Variants in VPS13C observed in about 807,000 individuals in gnomAD.
VPS13C encodes intermembrane lipid transfer protein VPS13C.
A neutral mutation model predicts 456.8 loss-of-function variants in VPS13C; 358 were observed. That is an observed-to-expected ratio of 0.78 (90% CI 0.72 to 0.86). The LOEUF is 0.86. VPS13C is among the 40% of genes least tolerant of loss of function. VPS13C has a pLI of 0.00. For synonymous variants in VPS13C, 1,578 were observed against 1,486.7 expected (o/e 1.06, Z -1.41); for missense variants, 4,818 against 4,385.4 (o/e 1.10, Z -2.79).
At chr15:61,879,106 T>C (rs1187377854) in intron 73 of VPS13C, among the ~76,000 whole-genome samples, 4 of 152,008 alleles carry the variant, frequency 2.6e-5, no homozygotes, top group Non-Finnish European at 4.4e-5. Context: ...ATACAGATAA[T>C]AACAATAACA....
intron 16 of VPS13C, among the ~76,000 whole-genome samples, chr15:61,995,400 C>G (rs761148149): frequency 2.6e-5 from 4 of 152,172 alleles, no homozygotes; most frequent in African/African-American, 4.8e-5. Flanking sequence ...CCATAATCTC[C>G]CATTTCTAAT....
At chr15:61,921,880 G>A (rs2043668027) in intron 55 of VPS13C, 67 bp downstream of exon 55, 1 of 1,521,844 alleles carries the variant, frequency 6.6e-7, no homozygotes, top group Non-Finnish European at 9.1e-7. Flanking sequence ...AAGAATCACT[G>A]AAATAAAAAC....
At chr15:61,861,084 C>G (rs1894201916) in intron 82 of VPS13C, among the ~76,000 whole-genome samples, 1 of 151,254 alleles carries the variant, frequency 6.6e-6, no homozygotes, top group African/African-American at 2.4e-5. Context: ...GCTTCAGCCT[C>G]CCGAATAGCT....
At chr15:61,926,964 T>A (rs1042934910) in intron 52 of VPS13C, 127 bp downstream of exon 52, 2 of 837,296 alleles carry the variant, frequency 2.4e-6, no homozygotes, top group African/African-American at 3.4e-5. Context: ...TATCTTTATA[T>A]GTAAAACCCC....
chr15:62,009,374 A>AG (rs1555442369), intron 13 of VPS13C, among the ~76,000 whole-genome samples: 19 of 150,742 alleles, frequency 1.3e-4, no homozygotes, highest in African/African-American at 4.1e-4. Flanking sequence ...AAAAAAAAAA[A>AG]GGGGGCAAGT....
rs1440846830 is a variant in VPS13C at position 62,014,013 on chromosome 15, C to T, written c.685-21G>A. On this transcript the variant is annotated intron_variant, in intron 9 of 84. Coordinates refer to ENST00000644861, the MANE Select transcript of VPS13C (RefSeq NM_020821.3). Reference sequence around the variant, plus strand: ...GCAGTCTAAAAGAAAAAAGGGAATACCTGTGAAACGTGGTATGGATGTCAT... The same window carrying T: ...GCAGTCTAAAAGAAAAAAGGGAATATCTGTGAAACGTGGTATGGATGTCAT... 3 of 1,595,950 alleles carry T rather than the reference C, an allele frequency of 1.9e-6. No homozygotes were observed. In the Admixed American group the frequency reaches 5.1e-5, roughly 27 times the overall value.
chr15:61,855,302 G>A (rs990878794), intron 83 of VPS13C, among the ~76,000 whole-genome samples: 2 of 152,078 alleles, frequency 1.3e-5, no homozygotes, highest in African/African-American at 2.4e-5. Context: ...TAAAATTTCT[G>A]TATAATGTAA....
At chr15:61,856,511 T>A in intron 82 of VPS13C, 102 bp from the exon 83 acceptor site, 1 of 1,338,478 alleles carries the variant, frequency 7.5e-7, no homozygotes, top group Non-Finnish European at 1.0e-6. Context: ...ACTTGCTTAG[T>A]AAACAATATA....
chr15:61,856,639 A>AATCTTGC (rs1311053316), intron 82 of VPS13C: 2 of 350,386 alleles, frequency 5.7e-6, no homozygotes, highest in African/African-American at 4.3e-5. Flanking sequence ...CCCTTCTGTC[A>AATCTTGC]ATCTTGCAGA....
At position 62,023,830 on chromosome 15, in the gene VPS13C, T is replaced by G; in HGVS notation, c.464A>C (p.Lys155Thr). ...AGGTTTCTTAAAATGTTTTTTGTGC[T>G]TTTTACGTTTACGTCCTTCACAGTG... ...KDIKPGRKRK[K>T]HKKHFKKPFK... The change falls in exon 7 of 85, where the codon AAG (lysine) becomes ACG (threonine). Residue 155 changes from lysine (K) to threonine (T), a missense_variant. Transcript: ENST00000644861. 1 of 1,611,060 alleles carries G rather than the reference T, an allele frequency of 6.2e-7. No individual in the cohort carries two copies. The highest frequency in any genetic ancestry group is 8.5e-7 in the Non-Finnish European group (1 of 1,178,342).
chr15:62,034,738 A>C (rs1273637843), intron 4 of VPS13C, among the ~76,000 whole-genome samples: 1 of 151,908 alleles, frequency 6.6e-6, no homozygotes, highest in East Asian at 1.9e-4. Context: ...AATTGAAAAA[A>C]TGAATTAAAT....
intron 81 of VPS13C, 58 bp downstream of exon 81, chr15:61,868,601 T>C (rs1166350155): frequency 6.8e-7 from 1 of 1,462,376 alleles, no homozygotes; most frequent in Non-Finnish European, 9.5e-7. Context: ...TAGGAAATCC[T>C]GGGCCTAGAA....
intron 39 of VPS13C, among the ~76,000 whole-genome samples, chr15:61,951,550 C>G (rs1567039939): frequency 6.6e-6 from 1 of 151,974 alleles, no homozygotes; most frequent in Non-Finnish European, 1.5e-5. Flanking sequence ...TTTCATTTTT[C>G]ACAAATACAT....
At chr15:61,863,236 T>A (rs1894320292) in intron 82 of VPS13C, among the ~76,000 whole-genome samples, 1 of 152,120 alleles carries the variant, frequency 6.6e-6, no homozygotes, top group Non-Finnish European at 1.5e-5. Flanking sequence ...AGTTTCAGCA[T>A]CTTTCAGATG....
Position 61,888,190 on chromosome 15 carries a change from A to G in VPS13C, c.9341+1975T>C, listed in dbSNP as rs116015006. On this transcript the variant is annotated intron_variant, in intron 67 of 84. Transcript: ENST00000644861. ...ATAGCTAAAATCCAAAACACCGACA[A>G]TACCAAATTTTGGCAAGGATGTGGA... Among the ~76,000 whole-genome samples the G allele has an allele frequency of 5.1e-3, 778 of 152,314 alleles. 9 individuals carry two copies. The highest frequency in any genetic ancestry group is 0.018 in the African/African-American group (739 of 41,572).
intron 22 of VPS13C, among the ~76,000 whole-genome samples, chr15:61,981,080 T>C (rs1465780328): frequency 6.6e-6 from 1 of 152,220 alleles, no homozygotes; most frequent in Non-Finnish European, 1.5e-5. Flanking sequence ...AAACTACGAA[T>C]GCTTCTTTCT....
intron 61 of VPS13C, among the ~76,000 whole-genome samples, chr15:61,914,463 G>A (rs1800311247): frequency 6.6e-6 from 1 of 151,912 alleles, no homozygotes; most frequent in Non-Finnish European, 1.5e-5. Context: ...TAGCTACTTG[G>A]GAGGTTGAGG....
intron 52 of VPS13C, among the ~76,000 whole-genome samples, chr15:61,926,165 A>G (rs764082192): frequency 9.9e-5 from 15 of 152,214 alleles, no homozygotes; most frequent in Non-Finnish European, 1.9e-4. Flanking sequence ...TTTGGAGGCC[A>G]AAGTAGGGGG....
chr15:61,954,380 T>A, intron 38 of VPS13C, 41 bp downstream of exon 38: 1 of 1,587,212 alleles, frequency 6.3e-7, no homozygotes, highest in Non-Finnish European at 8.6e-7. Flanking sequence ...TATCCATTAC[T>A]TATTCACCTC....
Sources: gnomAD v4.1 joint callset for allele counts (sites outside exome capture counted in the v4.1 genomes callset) on GRCh38, gnomAD v4.1.1 for gene constraint, MANE v1.5 for transcripts, NCBI Gene and HGNC (gene_info 2026-07-23, HGNC 2026-07-21) for gene names.